Variants in SCUBE1 observed in about 807,000 individuals in gnomAD.
The protein encoded by SCUBE1 is signal peptide, CUB and EGF-like domain-containing protein 1.
A neutral mutation model predicts 124.4 loss-of-function variants in SCUBE1; 59 were observed. The observed-to-expected ratio is 0.47, with a 90% CI of 0.38 to 0.59. The LOEUF is 0.59. SCUBE1 is among the 20% of genes least tolerant of loss of function. The pLI is 0.00. For synonymous variants in SCUBE1, 545 were observed against 550.9 expected, an observed-to-expected ratio of 0.99 and a Z score of 0.15; for missense variants, 1,150 against 1,371.2, an observed-to-expected ratio of 0.84 and a Z score of 2.55.
Position 43,255,372 on chromosome 22 carries a change from A to G in SCUBE1, c.727+2847T>C. ...ATATGCCCCCACACGCACACGTCAC[A>G]CCCACACACAGCACACACACGCCCA... On this transcript the variant is annotated intron_variant, in intron 6 of 21. Coordinates refer to ENST00000360835, the MANE Select transcript of SCUBE1 (RefSeq NM_173050.5). The surrounding 1 kb of genome is among the most constrained non-coding windows in gnomAD (Gnocchi z 4.7). The G allele has an allele frequency of 1.1e-6, 1 of 894,632 alleles. No individual in the cohort carries two copies. The highest frequency in any genetic ancestry group is 1.8e-6 in the Non-Finnish European group (1 of 558,866). 55.4% of individuals were successfully genotyped at this position (894,632 alleles called of 1,614,324 possible). A position where few individuals can be genotyped will look rare whatever the true frequency, so the allele number is the denominator to read the frequency against.
At chr22:43,247,140 G>A (rs778508609) in intron 6 of SCUBE1, among the ~76,000 whole-genome samples, 1 of 152,248 alleles carries the variant, frequency 6.6e-6, no homozygotes, top group Admixed American at 6.5e-5. Context: ...ATTCCAGAGT[G>A]CCCTAGTGAC....
chr22:43,302,697 A>G (rs1301809490), intron 3 of SCUBE1, among the ~76,000 whole-genome samples: 1 of 152,240 alleles, frequency 6.6e-6, no homozygotes, highest in Non-Finnish European at 1.5e-5. Context: ...GCAGCTGTGA[A>G]TGTGATCCTG....
intron 3 of SCUBE1, among the ~76,000 whole-genome samples, chr22:43,297,818 C>T (rs1330508093): frequency 6.6e-6 from 1 of 152,182 alleles, no homozygotes; most frequent in Non-Finnish European, 1.5e-5. Context: ...TTGTGTTTCC[C>T]GCAAATATTT....
rs1419320884 is a variant in SCUBE1 at position 43,212,434 on chromosome 22, C to G, written c.2212G>C (p.Glu738Gln). 6 of 1,551,072 alleles carry G rather than the reference C, an allele frequency of 3.9e-6. No individual in the cohort carries two copies. Among genetic ancestry groups the G allele is most frequent in the Admixed American group, 2.0e-5 (1 of 51,084 alleles). ...GGGAGGGCATGCTCACCTTTAGCCT[C>G]GCAGTCCTGGAAGGAGGTGGTGCCT... is the stretch of plus-strand genomic sequence containing the variant. ...HEGTTSFQDCEAKVHCSPGHH... is the reference protein window; with the variant it reads ...HEGTTSFQDCQAKVHCSPGHH... Residue 738 changes from glutamate (E) to glutamine (Q), a missense_variant, in exon 17 of 22, where the codon GAG (glutamate) becomes CAG (glutamine). By Grantham distance (29) the Glu-to-Gln change is conservative. Coordinates refer to ENST00000360835, the MANE Select transcript of SCUBE1 (RefSeq NM_173050.5).
rs766512360 is a variant in SCUBE1 at position 43,222,677 on chromosome 22, G to A, written c.1393C>T (p.Arg465Cys). Residue 465 changes from arginine (R) to cysteine (C), a missense_variant, in exon 12 of 22, where the codon CGC becomes TGC. By Grantham distance (180) the Arg-to-Cys change is radical. Coordinates refer to ENST00000360835, the MANE Select transcript of SCUBE1 (RefSeq NM_173050.5). Reference sequence around the variant, plus strand: ...CCGAGGCCAGAGCTGGTGCCGTTGCGTTTCTGCAGCGCCTTGCCCTGCGGC... The same window carrying A: ...CCGAGGCCAGAGCTGGTGCCGTTGCATTTCTGCAGCGCCTTGCCCTGCGGC... ...PGPQGKALQK[R>C]NGTSSGLGPS... 5.0e-6 allele frequency: 8 copies of A among 1,604,662 alleles called. No individual in the cohort carries two copies. Among genetic ancestry groups the A allele is most frequent in the South Asian group, 3.4e-5 (3 of 89,268 alleles).
chr22:43,316,894 T>C, intron 3 of SCUBE1: 1 of 152,186 alleles, frequency 6.6e-6, no homozygotes, highest in Non-Finnish European at 1.5e-5. Context: ...AACAAACTTA[T>C]CTGACATCCA....
intron 15 of SCUBE1, among the ~76,000 whole-genome samples, chr22:43,216,114 T>C (rs1251075361): frequency 6.6e-6 from 1 of 152,028 alleles, no homozygotes. Context: ...TGGTGTGATC[T>C]CAGCTCACTG....
rs145992838 is a variant in SCUBE1 at position 43,211,716 on chromosome 22, G to A, written c.2222-633C>T. ...TGTATTTTTTTTAAGTAGAGACAGG[G>A]TTTTGCCATGCTAGCCGGGCTGGCC... On this transcript the variant is annotated intron_variant, in intron 17 of 21. Coordinates refer to ENST00000360835, the MANE Select transcript of SCUBE1 (RefSeq NM_173050.5). The surrounding 1 kb of genome is among the most constrained non-coding windows in gnomAD (Gnocchi z 4.5). Among the ~76,000 whole-genome samples, 2 of 152,174 alleles carry A rather than the reference G, an allele frequency of 1.3e-5. No homozygotes were observed. The highest frequency in any genetic ancestry group is 3.9e-4 in the East Asian group (2 of 5,172).
At chr22:43,339,972 A>AC (rs770558925) in intron 1 of SCUBE1, among the ~76,000 whole-genome samples, 71 of 10,284 alleles carry the variant, frequency 6.9e-3, no homozygotes, top group Non-Finnish European at 7.0e-3. Context: ...TACCCCCCCC[A>AC]AAGCATAGCT....
intron 3 of SCUBE1, among the ~76,000 whole-genome samples, chr22:43,293,263 G>A (rs1263810063): frequency 1.3e-5 from 2 of 152,220 alleles, no homozygotes; most frequent in African/African-American, 4.8e-5. Context: ...TTAGGCGCAG[G>A]CCCACGCGAT....
At chr22:43,312,155 A>G (rs1926193102) in intron 3 of SCUBE1, among the ~76,000 whole-genome samples, 1 of 152,236 alleles carries the variant, frequency 6.6e-6, no homozygotes, top group Admixed American at 6.5e-5. Context: ...CCATTCATTC[A>G]TTTATTCTAC....
chr22:43,248,713 A>C (rs780348978), intron 6 of SCUBE1, among the ~76,000 whole-genome samples: 5 of 152,194 alleles, frequency 3.3e-5, no homozygotes, highest in Non-Finnish European at 7.3e-5. Flanking sequence ...AGGCCACCTG[A>C]TGAGCACTGG....
rs934002248 is a variant in SCUBE1 at position 43,211,553 on chromosome 22, G to A, written c.2222-470C>T. Reference sequence around the variant, plus strand: ...TTTTTTTTGAGATGGAGCTCGCTCCGTCACCCAGGCTGGAGTGCAATGGTG... The same window carrying A: ...TTTTTTTTGAGATGGAGCTCGCTCCATCACCCAGGCTGGAGTGCAATGGTG... On this transcript the variant is annotated intron_variant, in intron 17 of 21. Transcript: ENST00000360835. This position sits in a 1 kb window ranked among gnomAD's most constrained non-coding sequence, Gnocchi z 4.5. Among the ~76,000 whole-genome samples, 3 of 149,764 alleles carry A rather than the reference G, an allele frequency of 2.0e-5. No homozygotes were observed. The highest frequency in any genetic ancestry group is 5.0e-5 in the African/African-American group (2 of 40,260).
rs1187136636 is a variant in SCUBE1, at chr22:43,234,260, AG to A, written c.845-2386del. Among the ~76,000 whole-genome samples the A allele has an allele frequency of 6.6e-6, 1 of 152,206 alleles. No individual in the cohort carries two copies. The highest frequency in any genetic ancestry group is 2.4e-5 in the African/African-American group (1 of 41,446). On this transcript the variant is annotated intron_variant, in intron 7 of 21. Transcript: ENST00000360835. This position sits in a 1 kb window ranked among gnomAD's most constrained non-coding sequence, Gnocchi z 4.4. ...CTCAGTTGGCTGTGTGATGCTGGGC[AG>A]GGAAAGGCACCTCTCTGAGCCTTAG...
In SCUBE1 at chr22:43,211,619, C is replaced by T. The variant is rs977571921; in HGVS notation, c.2222-536G>A. 7.9e-5 allele frequency among the ~76,000 whole-genome samples: 12 copies of T among 151,460 alleles called. No homozygotes were observed. Among genetic ancestry groups the T allele is most frequent in the Non-Finnish European group, 1.0e-4 (7 of 67,952 alleles). On this transcript the variant is annotated intron_variant, in intron 17 of 21. Transcript: ENST00000360835. This position sits in a 1 kb window ranked among gnomAD's most constrained non-coding sequence, Gnocchi z 4.5. ...GCAACCTCCACCTCCTGGGTTCAAG[C>T]GATCCTCCCCTCCCAGTCTCCCGAG...
chr22:43,238,007 C>A (rs1375413047), intron 7 of SCUBE1: 2 of 152,596 alleles, frequency 1.3e-5, no homozygotes, highest in Non-Finnish European at 2.9e-5. Context: ...GGGGCTCCGT[C>A]TGTCCTTTGG....
In SCUBE1 at chr22:43,211,180, T is replaced by G. The variant is rs1024809735; in HGVS notation, c.2222-97A>C. On this transcript the variant is annotated intron_variant, in intron 17 of 21. Transcript: ENST00000360835. This position sits in a 1 kb window ranked among gnomAD's most constrained non-coding sequence, Gnocchi z 4.5. ...CCCAGGACCTCTCATGCCCTCGAGG[T>G]CTGTTTTGGCACAGAGTTCAAGGCT... 81 of 1,317,728 alleles carry G rather than the reference T, an allele frequency of 6.1e-5. No homozygotes were observed. The Middle Eastern group carries it at 1.0e-3, about 17-fold the overall frequency. 81.6% of individuals were successfully genotyped at this position (1,317,728 alleles called of 1,614,324 possible).
chr22:43,250,573 G>A (rs1374419602), intron 6 of SCUBE1, among the ~76,000 whole-genome samples: 1 of 152,250 alleles, frequency 6.6e-6, no homozygotes, highest in Non-Finnish European at 1.5e-5. Context: ...AGTTCAGGCA[G>A]CCAGGCAGGA....
intron 5 of SCUBE1, among the ~76,000 whole-genome samples, chr22:43,260,094 A>G (rs1923817235): frequency 6.6e-6 from 1 of 152,072 alleles, no homozygotes; most frequent in Non-Finnish European, 1.5e-5. Context: ...TCTTTCTAGG[A>G]CCCAGGAGAT....
Sources: allele counts gnomAD v4.1 joint callset (sites outside exome capture counted in the v4.1 genomes callset), GRCh38; gene constraint gnomAD v4.1.1; non-coding constraint Gnocchi (gnomAD v3.1); transcripts MANE v1.5; gene names NCBI Gene and HGNC (gene_info 2026-07-23, HGNC 2026-07-21).